GRIK2: variants seen among roughly 807,000 people sequenced by gnomAD.
GRIK2 encodes glutamate receptor ionotropic, kainate 2.
In GRIK2, 32 loss-of-function variants were observed where a neutral mutation model predicts 100.3. That is an observed-to-expected ratio of 0.32 (90% CI 0.24 to 0.43). The LOEUF (loss-of-function observed/expected upper bound fraction) is 0.43, where lower values mean the gene tolerates loss of function less well. Among genes scored for constraint, GRIK2 ranks in the 20% least tolerant of loss-of-function variants. The pLI, the probability that GRIK2 is intolerant of heterozygous loss-of-function variation, is 1.00. For missense variants in GRIK2, 843 were observed against 1,114.9 expected, an observed-to-expected ratio of 0.76 and a Z score of 3.47; for synonymous variants, 417 against 389.4, an observed-to-expected ratio of 1.07 and a Z score of -0.83.
intron 7 of GRIK2, among the ~76,000 whole-genome samples, chr6:101,747,659 T>C (rs1272767695): frequency 6.6e-6 from 1 of 150,982 alleles, no homozygotes; most frequent in Non-Finnish European, 1.5e-5. Flanking sequence ...AATTCAAAGA[T>C]TAATAGCACT....
At chr6:101,508,480 A>C (rs949832738) in intron 2 of GRIK2, among the ~76,000 whole-genome samples, 4 of 152,146 alleles carry the variant, frequency 2.6e-5, no homozygotes, top group African/African-American at 9.7e-5. Flanking sequence ...AATATAACAG[A>C]TTATATAGAA....
intron 4 of GRIK2, among the ~76,000 whole-genome samples, chr6:101,644,139 C>T (rs1781411065): frequency 6.6e-6 from 1 of 151,628 alleles, no homozygotes; most frequent in Non-Finnish European, 1.5e-5. Flanking sequence ...TTTGATTCTC[C>T]AAATACTTAA....
At position 101,947,708 on chromosome 6, in the gene GRIK2, A is replaced by C. The variant is rs139145236; in HGVS notation, c.2085+19076A>C. 6.0e-4 allele frequency among the ~76,000 whole-genome samples: 91 copies of C among 152,316 alleles called. No homozygotes were observed. In the Middle Eastern group the frequency reaches 0.014, roughly 23 times the overall value. On this transcript the variant is annotated intron_variant, in intron 14 of 16. Coordinates refer to ENST00000369134, the MANE Select transcript of GRIK2 (RefSeq NM_021956.5). ...TACTGAAAGCCTGCCTCTTATTATA[A>C]CAAAGGCATTAATTAGACATGAGAG... is the stretch of plus-strand genomic sequence containing the variant.
At chr6:101,663,547 G>C (rs1431530101) in intron 4 of GRIK2, among the ~76,000 whole-genome samples, 1 of 152,124 alleles carries the variant, frequency 6.6e-6, no homozygotes, top group African/African-American at 2.4e-5. Context: ...AAATATACAG[G>C]ATGCTTCTGG....
At chr6:101,643,589 T>G (rs1781385449) in intron 4 of GRIK2, among the ~76,000 whole-genome samples, 1 of 151,786 alleles carries the variant, frequency 6.6e-6, no homozygotes, top group Non-Finnish European at 1.5e-5. Context: ...TCCATTGGTT[T>G]ATATGTCTGC....
intron 7 of GRIK2, among the ~76,000 whole-genome samples, chr6:101,706,172 C>T (rs1362028535): frequency 6.6e-6 from 1 of 151,858 alleles, no homozygotes; most frequent in Non-Finnish European, 1.5e-5. Flanking sequence ...TTTCAGATCT[C>T]ATAGTGAAAG....
At chr6:101,529,618 T>C (rs1274280216) in intron 2 of GRIK2, among the ~76,000 whole-genome samples, 3 of 152,122 alleles carry the variant, frequency 2.0e-5, no homozygotes, top group Non-Finnish European at 2.9e-5. Flanking sequence ...AAGTTTTGAA[T>C]GTTTATAATG....
chr6:101,562,338 T>TTTTG (rs903129344), intron 2 of GRIK2, among the ~76,000 whole-genome samples: 1 of 151,898 alleles, frequency 6.6e-6, no homozygotes, highest in Non-Finnish European at 1.5e-5. Context: ...CAGTTTGAGT[T>TTTTG]TTTGTTTGTT....
intron 14 of GRIK2, among the ~76,000 whole-genome samples, chr6:101,962,184 T>C (rs1792347106): frequency 6.6e-6 from 1 of 152,136 alleles, no homozygotes; most frequent in Non-Finnish European, 1.5e-5. Context: ...TCTTGCTTCC[T>C]TCTTTTTGTG....
intron 7 of GRIK2, among the ~76,000 whole-genome samples, chr6:101,700,566 C>T (rs1337410): frequency 0.074 from 11,212 of 152,092 alleles, 1,336 homozygotes; most frequent in African/African-American, 0.26. Context: ...CTTACACTAA[C>T]TCTAAGTCTC....
At chr6:101,743,386 G>T (rs1443643724) in intron 7 of GRIK2, among the ~76,000 whole-genome samples, 1 of 152,188 alleles carries the variant, frequency 6.6e-6, no homozygotes, top group African/African-American at 2.4e-5. Context: ...TAAGTTTGGT[G>T]GGCCTAATCA....
At chr6:101,479,609 G>T (rs1772422317) in intron 2 of GRIK2, among the ~76,000 whole-genome samples, 1 of 151,874 alleles carries the variant, frequency 6.6e-6, no homozygotes, top group South Asian at 2.1e-4. Context: ...GTTTTTCATG[G>T]GCTAAGTTCA....
At chr6:102,007,997 T>A (rs976506523) in intron 14 of GRIK2, among the ~76,000 whole-genome samples, 2 of 151,760 alleles carry the variant, frequency 1.3e-5, no homozygotes, top group African/African-American at 4.8e-5. Context: ...GAAAAGGCAA[T>A]GGTAGAATAT....
At chr6:102,053,091 AACAC>A (rs148536098) in intron 15 of GRIK2, among the ~76,000 whole-genome samples, 3 of 149,374 alleles carry the variant, frequency 2.0e-5, no homozygotes, top group Non-Finnish European at 3.0e-5. Context: ...CAACAACAAC[AACAC>A]ACACACACAC....
intron 7 of GRIK2, among the ~76,000 whole-genome samples, chr6:101,785,666 A>G (rs1447471567): frequency 6.6e-6 from 1 of 151,876 alleles, no homozygotes; most frequent in Non-Finnish European, 1.5e-5. Flanking sequence ...ATTTTGTTTC[A>G]TTGGTCTATG....
chr6:101,439,630 T>C (rs1769934139), intron 2 of GRIK2, among the ~76,000 whole-genome samples: 1 of 152,108 alleles, frequency 6.6e-6, no homozygotes, highest in African/African-American at 2.4e-5. Context: ...CCTTTTCAAT[T>C]TCCTTAATGA....
At chr6:101,963,509 C>CTTTTTTTTTTTTTTT (rs770178884) in intron 14 of GRIK2, among the ~76,000 whole-genome samples, 291 of 106,052 alleles carry the variant, frequency 2.7e-3, no homozygotes, top group East Asian at 4.7e-3. Context: ...TTCTTTCTTT[C>CTTTTTTTTTTTTTTT]TTTTTTTTTT....
intron 2 of GRIK2, among the ~76,000 whole-genome samples, chr6:101,440,333 T>A (rs1769975799): frequency 6.6e-6 from 1 of 152,134 alleles, no homozygotes; most frequent in African/African-American, 2.4e-5. Context: ...AAAACAGATT[T>A]TATGAAGAAA....
chr6:101,757,764 G>C (rs569795621), intron 7 of GRIK2, among the ~76,000 whole-genome samples: 1 of 152,196 alleles, frequency 6.6e-6, no homozygotes, highest in African/African-American at 2.4e-5. Flanking sequence ...AGTTTGAAAA[G>C]TCTACCCTAG....
Sources: allele counts gnomAD v4.1 joint callset (sites outside exome capture counted in the v4.1 genomes callset), GRCh38; gene constraint gnomAD v4.1.1; transcripts MANE v1.5; gene names NCBI Gene and HGNC (gene_info 2026-07-23, HGNC 2026-07-21).